Variants in PCDHGA7 observed in about 807,000 individuals in gnomAD.
PCDHGA7 encodes the protein protocadherin gamma subfamily A, 7.
PCDHGA7 carries 44 observed loss-of-function variants against 58.3 expected under a neutral mutation model. The ratio of observed to expected loss-of-function variants is 0.75; its 90% CI spans 0.59 to 0.97. The LOEUF (loss-of-function observed/expected upper bound fraction) is 0.97. PCDHGA7 is among the 50% of genes least tolerant of loss of function. PCDHGA7 has a pLI of 0.00. For missense variants in PCDHGA7, 1,266 were observed against 1,188.7 expected (o/e 1.06, Z -0.96); for synonymous variants, 516 against 504.2 (o/e 1.02, Z -0.31).
intron 1 of PCDHGA7, chr5:141,388,330 G>A: frequency 6.2e-7 from 1 of 1,613,882 alleles, no homozygotes; most frequent in Non-Finnish European, 8.5e-7. Context: ...GCACAGCCTG[G>A]CACACGATTT....
At chr5:141,414,703 T>C in intron 1 of PCDHGA7, 1 of 1,613,994 alleles carries the variant, frequency 6.2e-7, no homozygotes. Flanking sequence ...CTCATACATA[T>C]CCATCAACTC....
chr5:141,505,371 C>T (rs2099845827), intron 2 of PCDHGA7, 22 bp from the exon 3 acceptor site: 4 of 1,613,980 alleles, frequency 2.5e-6, no homozygotes, highest in Non-Finnish European at 3.4e-6. Context: ...AGTCTGTGCT[C>T]ACCATCCTAC....
At chr5:141,478,345 C>T (rs755421316) in intron 1 of PCDHGA7, 3 of 1,613,850 alleles carry the variant, frequency 1.9e-6, no homozygotes, top group East Asian at 4.5e-5. Context: ...CCTCCTTGCA[C>T]GCGGACGCCG....
In PCDHGA7 at chr5:141,476,210, G is replaced by A; in HGVS notation, c.2425-18597G>A. ...TGGTGCCTTGAACAAGGCTTCCACG[G>A]TCATTCACTATGAGATCCCGGAGGA... is the stretch of plus-strand genomic sequence containing the variant. On this transcript the variant is annotated intron_variant, in intron 1 of 3. Coordinates refer to ENST00000518325, the MANE Select transcript of PCDHGA7 (RefSeq NM_018920.4). The surrounding 1 kb of genome is among the most constrained non-coding windows in gnomAD (Gnocchi z 7.6). 6.2e-7 allele frequency: 1 copy of A among 1,614,012 alleles called. No individual in the cohort carries two copies. Among genetic ancestry groups the A allele is most frequent in the Non-Finnish European group, 8.5e-7 (1 of 1,180,012 alleles).
rs1212833348 is a variant in PCDHGA7 at position 141,431,379 on chromosome 5, C to T, written c.2424+46056C>T. On this transcript the variant is annotated intron_variant, in intron 1 of 3. Transcript: ENST00000518325. The surrounding 1 kb of genome is among the most constrained non-coding windows in gnomAD (Gnocchi z 4.8). ...GCCCTGGACCGCGAAGAAAAGGCTG[C>T]TCACCACCTGGTCCTTACGGCCTCC... is the stretch of plus-strand genomic sequence containing the variant. 3 of 1,613,946 alleles carry T rather than the reference C, an allele frequency of 1.9e-6. No individual in the cohort carries two copies. Among genetic ancestry groups the T allele is most frequent in the Non-Finnish European group, 2.5e-6 (3 of 1,180,020 alleles).
intron 1 of PCDHGA7, chr5:141,411,225 GC>G (rs1253575140): frequency 1.3e-5 from 2 of 152,092 alleles, no homozygotes; most frequent in African/African-American, 4.8e-5. Flanking sequence ...ATTCAAATTT[GC>G]GAAGACTTAG....
chr5:141,422,575 C>G, intron 1 of PCDHGA7: 1 of 1,613,976 alleles, frequency 6.2e-7, no homozygotes, highest in Non-Finnish European at 8.5e-7. Flanking sequence ...CAACGATAAC[C>G]CTCCCGTTTT....
At chr5:141,403,773 A>G (rs1286965459) in intron 1 of PCDHGA7, 5 of 1,613,956 alleles carry the variant, frequency 3.1e-6, no homozygotes, top group Non-Finnish European at 4.2e-6. Flanking sequence ...GAGGGAATCA[A>G]CGGAAAAGTG....
chr5:141,415,760 T>G (rs779762678), intron 1 of PCDHGA7: 355 of 1,388,296 alleles, frequency 2.6e-4, no homozygotes, highest in East Asian at 7.0e-4. Flanking sequence ...TTTTTTTTTT[T>G]TTTTTTTTTT....
chr5:141,400,058 ATGG>A (rs2093953327), intron 1 of PCDHGA7: 1 of 1,613,570 alleles, frequency 6.2e-7, no homozygotes, highest in Admixed American at 1.7e-5. Flanking sequence ...GCTGTGCGTG[ATGG>A]TGGACAGCCG....
At chr5:141,412,057 T>C (rs1426056647) in intron 1 of PCDHGA7, 1 of 152,202 alleles carries the variant, frequency 6.6e-6, no homozygotes, top group Non-Finnish European at 1.5e-5. Flanking sequence ...TCTATACCCT[T>C]TGCATTTGAG....
rs928847931 is a variant in PCDHGA7 at position 141,385,514 on chromosome 5, G to A, written c.2424+191G>A. 5 of 1,363,488 alleles carry A rather than the reference G, an allele frequency of 3.7e-6. No homozygotes were observed. The African/African-American group carries it at 5.9e-5, about 16-fold the overall frequency. The allele number at this position is 1,363,488 out of a possible 1,614,324, so 84.5% of individuals were successfully genotyped here. ...AGGATATAGTATTTCTTTAGTGAAA[G>A]CCTATGGACAAGATTATGAATATGT... is the stretch of plus-strand genomic sequence containing the variant. On this transcript the variant is annotated intron_variant, in intron 1 of 3. Transcript: ENST00000518325.
intron 3 of PCDHGA7, among the ~76,000 whole-genome samples, chr5:141,510,034 T>A (rs2099879281): frequency 6.6e-6 from 1 of 152,156 alleles, no homozygotes; most frequent in Non-Finnish European, 1.5e-5. Flanking sequence ...TGGGCTGTTA[T>A]GTAGAGGTTA....
Position 141,485,959 on chromosome 5 carries a change from C to A in PCDHGA7, c.2425-8848C>A, listed in dbSNP as rs758835557. The A allele has an allele frequency of 6.2e-7, 1 of 1,614,160 alleles. No homozygotes were observed. The highest frequency in any genetic ancestry group is 1.3e-5 in the African/African-American group (1 of 75,054). Reference sequence around the variant, plus strand: ...GCGCACCAGCGGGCATGGTGCTCATCCAGCTCAATGCCTCAGACCCGGACC... The same window carrying A: ...GCGCACCAGCGGGCATGGTGCTCATACAGCTCAATGCCTCAGACCCGGACC... On this transcript the variant is annotated intron_variant, in intron 1 of 3. Coordinates refer to ENST00000518325, the MANE Select transcript of PCDHGA7 (RefSeq NM_018920.4). The surrounding 1 kb of genome is among the most constrained non-coding windows in gnomAD (Gnocchi z 5.7).
chr5:141,420,857 C>T (rs1342820721), intron 1 of PCDHGA7, among the ~76,000 whole-genome samples: 1 of 152,220 alleles, frequency 6.6e-6, no homozygotes, highest in Non-Finnish European at 1.5e-5. Context: ...AAAGTTTTAA[C>T]GTCACATAAT....
chr5:141,418,832 G>A, intron 1 of PCDHGA7: 1 of 1,614,008 alleles, frequency 6.2e-7, no homozygotes, highest in Non-Finnish European at 8.5e-7. Flanking sequence ...AAAAGACCGA[G>A]GATCTCTCTC....
In PCDHGA7 at chr5:141,384,701, A is replaced by G. The variant is rs775540555; in HGVS notation, c.1802A>G (p.Asn601Ser). Residue 601 changes from asparagine (N) to serine (S), a missense_variant, in exon 1 of 4, where the codon AAC becomes AGC. Transcript: ENST00000518325. ...GCGGTGGACAAAGATTCAGGCCAGA[A>G]CGCCTGGCTGTCATACCTCCTGCTT... is the stretch of plus-strand genomic sequence containing the variant. Reference protein sequence around the residue: ...VVAVDKDSGQNAWLSYLLLKA... With the variant: ...VVAVDKDSGQSAWLSYLLLKA... The G allele has an allele frequency of 8.7e-6, 14 of 1,614,138 alleles. No homozygotes were observed. In the South Asian group the frequency reaches 1.2e-4, roughly 14 times the overall value.
intron 1 of PCDHGA7, among the ~76,000 whole-genome samples, chr5:141,438,587 CATACATATAT>C (rs1422309749): frequency 6.8e-5 from 5 of 73,430 alleles, no homozygotes; most frequent in South Asian, 5.1e-4. Context: ...TACATACATA[CATACATATAT>C]ATATATATAT....
At chr5:141,505,599 G>T in intron 3 of PCDHGA7, 118 bp downstream of exon 3, 1 of 1,555,586 alleles carries the variant, frequency 6.4e-7, no homozygotes, top group Non-Finnish European at 8.7e-7. Context: ...CAGATCTTTC[G>T]GCAGGTCTGA....
Sources: allele counts gnomAD v4.1 joint callset (sites outside exome capture counted in the v4.1 genomes callset), GRCh38; gene constraint gnomAD v4.1.1; non-coding constraint Gnocchi (gnomAD v3.1); transcripts MANE v1.5; gene names NCBI Gene and HGNC (gene_info 2026-07-23, HGNC 2026-07-21).